COLEC11: variants seen among roughly 807,000 people sequenced by gnomAD.
COLEC11 encodes collectin-11.
A neutral mutation model predicts 27.3 loss-of-function variants in COLEC11; 20 were observed. The observed-to-expected ratio is 0.73, with a 90% CI of 0.51 to 1.06. The LOEUF is 1.06. Among genes scored for constraint, COLEC11 ranks in the 50% least tolerant of loss-of-function variants. COLEC11 has a pLI of 0.00. For missense variants in COLEC11, 310 were observed against 383.0 expected (o/e 0.81, Z 1.59); for synonymous variants, 163 against 154.7 (o/e 1.05, Z -0.40).
At chr2:3,614,973 A>T (rs1663539606) in intron 3 of COLEC11, among the ~76,000 whole-genome samples, 1 of 152,218 alleles carries the variant, frequency 6.6e-6, no homozygotes, top group East Asian at 1.9e-4. Context: ...ACTTATTTCC[A>T]TTCAAGAATT....
intron 2 of COLEC11, among the ~76,000 whole-genome samples, chr2:3,613,038 C>T (rs889166616): frequency 5.3e-5 from 8 of 152,150 alleles, no homozygotes; most frequent in Non-Finnish European, 8.8e-5. Context: ...CAGGGACAGA[C>T]TAGGAGCCCG....
chr2:3,604,305 C>T lies in COLEC11; in HGVS notation c.-26-10C>T. The T allele has an allele frequency of 6.2e-7, 1 of 1,614,090 alleles. No individual in the cohort carries two copies. The highest frequency in any genetic ancestry group is 8.5e-7 in the Non-Finnish European group (1 of 1,179,938). ...AGTTCCCATCACTGTTTATTCCTTC[C>T]TCTGTGTAGGAGTTGGTGTCCTGCC... is the stretch of plus-strand genomic sequence containing the variant. On this transcript the variant is annotated splice_polypyrimidine_tract_variant and intron_variant, in intron 1 of 6. Coordinates refer to ENST00000349077, the MANE Select transcript of COLEC11 (RefSeq NM_024027.5).
chr2:3,638,367 G>A (rs574215249), intron 4 of COLEC11, among the ~76,000 whole-genome samples: 3 of 152,340 alleles, frequency 2.0e-5, no homozygotes, highest in African/African-American at 7.2e-5. Context: ...CCGTCCCTGA[G>A]CTCTTCAGGT....
At chr2:3,626,876 C>T (rs1664592727) in intron 3 of COLEC11, among the ~76,000 whole-genome samples, 1 of 152,150 alleles carries the variant, frequency 6.6e-6, no homozygotes. Flanking sequence ...TAGGCGGTGC[C>T]CGGGCCCCAG....
intron 2 of COLEC11, among the ~76,000 whole-genome samples, chr2:3,611,419 G>A (rs1192690596): frequency 6.6e-6 from 1 of 152,234 alleles, no homozygotes; most frequent in Non-Finnish European, 1.5e-5. Flanking sequence ...TTCACCGATT[G>A]CACAGTCAGC....
rs138769815 is a variant in COLEC11 at position 3,639,113 on chromosome 2, A to T, written c.275-1165A>T. On this transcript the variant is annotated intron_variant, in intron 4 of 6. Coordinates refer to ENST00000349077, the MANE Select transcript of COLEC11 (RefSeq NM_024027.5). ...ACTTGGTGTAGTGTTTTCAGGGTTC[A>T]CCTGTGTGGTAGCGTGGGTCAGAAT... Among the ~76,000 whole-genome samples the T allele has an allele frequency of 1.0e-3, 154 of 152,306 alleles. 1 individual carries two copies. The highest frequency in any genetic ancestry group is 1.6e-3 in the Non-Finnish European group (111 of 68,024).
chr2:3,642,799 C>T (rs930131892), intron 5 of COLEC11, among the ~76,000 whole-genome samples: 2 of 152,200 alleles, frequency 1.3e-5, no homozygotes, highest in Non-Finnish European at 2.9e-5. Flanking sequence ...TTCCTCACTT[C>T]CTCCCAGGCC....
At chr2:3,611,925 A>G (rs556648849) in intron 2 of COLEC11, among the ~76,000 whole-genome samples, 167 of 149,964 alleles carry the variant, frequency 1.1e-3, no homozygotes, top group African/African-American at 3.7e-3. Flanking sequence ...GACCGAGGGC[A>G]CGAGCTGGTC....
Position 3,606,383 on chromosome 2 carries a change from TGGGTAG to T in COLEC11, c.130+1916_130+1921del, listed in dbSNP as rs2147862152. 1.2e-5 allele frequency: 9 copies of T among 746,394 alleles called. No individual in the cohort carries two copies. In the Middle Eastern group the frequency reaches 1.5e-3, roughly 124 times the overall value. 46.2% of individuals were successfully genotyped at this position (746,394 alleles called of 1,614,324 possible). On this transcript the variant is annotated intron_variant, in intron 2 of 6. Transcript: ENST00000349077. ...CCTGGATGTGCTGTCATTTCCCACA[TGGGTAG>T]GGTCCCTTCTCAACCTTTGCAGGCT... is the stretch of plus-strand genomic sequence containing the variant.
At chr2:3,623,670 C>G (rs1160559463) in intron 3 of COLEC11, among the ~76,000 whole-genome samples, 7 of 151,834 alleles carry the variant, frequency 4.6e-5, no homozygotes, top group Admixed American at 3.3e-4. Context: ...AAAAAAATCT[C>G]TATCTCTTCA....
chr2:3,630,351 T>A (rs947250173), intron 3 of COLEC11, among the ~76,000 whole-genome samples: 36 of 152,288 alleles, frequency 2.4e-4, no homozygotes, highest in Non-Finnish European at 3.1e-4. Flanking sequence ...AATTAAAAAA[T>A]AAAAATACAA....
intron 1 of COLEC11, chr2:3,604,019 C>CG: frequency 1.8e-6 from 1 of 570,502 alleles, no homozygotes. Flanking sequence ...AATCGTTTGT[C>CG]CCAGAGATCA....
intron 3 of COLEC11, among the ~76,000 whole-genome samples, chr2:3,628,627 C>G (rs1405047151): frequency 6.6e-6 from 1 of 152,204 alleles, no homozygotes; most frequent in Non-Finnish European, 1.5e-5. Flanking sequence ...CCCCCACCCC[C>G]CATTCGAGGA....
chr2:3,636,343 T>C (rs1315315326), intron 3 of COLEC11, among the ~76,000 whole-genome samples: 1 of 152,210 alleles, frequency 6.6e-6, no homozygotes, highest in African/African-American at 2.4e-5. Context: ...TAGTCCCAGC[T>C]ACTCGGGAGG....
chr2:3,612,657 C>T (rs949820718), intron 2 of COLEC11, among the ~76,000 whole-genome samples: 3 of 152,122 alleles, frequency 2.0e-5, no homozygotes, highest in African/African-American at 7.2e-5. Flanking sequence ...TTGGTGTCCA[C>T]AGGCCTTCCT....
At chr2:3,627,500 G>A (rs1009407359) in intron 3 of COLEC11, among the ~76,000 whole-genome samples, 1 of 150,678 alleles carries the variant, frequency 6.6e-6, no homozygotes, top group African/African-American at 2.4e-5. Flanking sequence ...ACGATGGGGT[G>A]GATCTGGGCA....
chr2:3,636,645 T>C (rs546154136), intron 3 of COLEC11, among the ~76,000 whole-genome samples: 46 of 152,352 alleles, frequency 3.0e-4, no homozygotes, highest in African/African-American at 1.1e-3. Context: ...TCCCAGTTTT[T>C]CCCTATGTAC....
intron 3 of COLEC11, among the ~76,000 whole-genome samples, chr2:3,633,381 G>T (rs1665152462): frequency 6.6e-6 from 1 of 152,244 alleles, no homozygotes; most frequent in Admixed American, 6.5e-5. Flanking sequence ...TTGGCCTTTA[G>T]CCATCTCTGA....
intron 3 of COLEC11, among the ~76,000 whole-genome samples, chr2:3,623,508 G>A (rs1307066635): frequency 1.3e-5 from 2 of 151,414 alleles, no homozygotes; most frequent in Non-Finnish European, 2.9e-5. Context: ...TCTCTTCTCT[G>A]ATTGAATATT....
Sources: gnomAD v4.1 joint callset for allele counts (sites outside exome capture counted in the v4.1 genomes callset) on GRCh38, gnomAD v4.1.1 for gene constraint, MANE v1.5 for transcripts, NCBI Gene and HGNC (gene_info 2026-07-23, HGNC 2026-07-21) for gene names.